IL1RAPL1: variants seen among roughly 807,000 people sequenced by gnomAD.
IL1RAPL1 encodes the protein interleukin 1 receptor accessory protein like 1, also known as interleukin-1 receptor accessory protein-like 1.
In IL1RAPL1, 3 loss-of-function variants were observed where a neutral mutation model predicts 48.4. That is an observed-to-expected ratio of 0.06 (90% CI 0.03 to 0.16). The LOEUF (loss-of-function observed/expected upper bound fraction) is 0.16, where lower values mean the gene tolerates loss of function less well. Among genes scored for constraint, IL1RAPL1 ranks in the 10% least tolerant of loss-of-function variants. IL1RAPL1 has a pLI of 1.00. For synonymous variants in IL1RAPL1, 185 were observed against 187.7 expected, an observed-to-expected ratio of 0.99 and a Z score of 0.12; for missense variants, 349 against 530.6, an observed-to-expected ratio of 0.66 and a Z score of 3.36.
At chrX:29,134,223 C>T (rs1428019626) in intron 2 of IL1RAPL1, among the ~76,000 whole-genome samples, 1 of 111,195 alleles carries the variant, frequency 9.0e-6, no homozygotes, top group African/African-American at 3.3e-5. Flanking sequence ...TGGAGTGTGA[C>T]AGCTGGATCT....
At chrX:28,895,985 C>G (rs759700438) in intron 2 of IL1RAPL1, among the ~76,000 whole-genome samples, 2 of 112,135 alleles carry the variant, frequency 1.8e-5, no homozygotes, top group Non-Finnish European at 3.8e-5. Flanking sequence ...ACAGATGGCA[C>G]GCGGCTTAGG....
intron 2 of IL1RAPL1, among the ~76,000 whole-genome samples, chrX:28,914,474 G>A (rs745513037): frequency 9.0e-6 from 1 of 111,592 alleles, no homozygotes; most frequent in Non-Finnish European, 1.9e-5. Context: ...CACCAACTCT[G>A]TATCTTATTA....
At chrX:28,616,543 C>T (rs775461972) in intron 1 of IL1RAPL1, among the ~76,000 whole-genome samples, 1 of 110,273 alleles carries the variant, frequency 9.1e-6, no homozygotes, top group African/African-American at 3.3e-5. Context: ...AAGGGAGTCT[C>T]CTGCCTCAGC....
intron 5 of IL1RAPL1, among the ~76,000 whole-genome samples, chrX:29,448,335 C>T (rs779533249): frequency 9.0e-5 from 10 of 111,534 alleles, no homozygotes; most frequent in Non-Finnish European, 1.1e-4. Context: ...TTCCCAAGTA[C>T]GAAAATGTTT....
At chrX:28,884,371 C>T (rs192253219) in intron 2 of IL1RAPL1, among the ~76,000 whole-genome samples, 10 of 111,169 alleles carry the variant, frequency 9.0e-5, no homozygotes, top group African/African-American at 3.3e-4. Flanking sequence ...TTGATGAATA[C>T]TAAGGTATAG....
intron 3 of IL1RAPL1, among the ~76,000 whole-genome samples, chrX:29,337,381 A>T (rs1012190168): frequency 7.1e-5 from 8 of 111,995 alleles, no homozygotes; most frequent in African/African-American, 2.3e-4. Flanking sequence ...GTATACATTT[A>T]CAAGATTACT....
intron 3 of IL1RAPL1, among the ~76,000 whole-genome samples, chrX:29,382,412 A>G (rs1379798181): frequency 8.9e-6 from 1 of 112,011 alleles, no homozygotes; most frequent in Non-Finnish European, 1.9e-5. Flanking sequence ...ATCTTATAGT[A>G]TTGACAGAAA....
chrX:29,650,306 C>A (rs954791065), intron 5 of IL1RAPL1, among the ~76,000 whole-genome samples: 6 of 111,663 alleles, frequency 5.4e-5, no homozygotes, highest in African/African-American at 1.9e-4. Context: ...GCAAAAGACA[C>A]AAAAGAGCCA....
In IL1RAPL1 at chrX:28,981,331, A is replaced by T. The variant is rs370512821; in HGVS notation, c.82+191906A>T. 6.4e-5 allele frequency among the ~76,000 whole-genome samples: 7 copies of T among 108,874 alleles called. No individual in the cohort carries two copies. The East Asian group carries it at 2.0e-3, about 32-fold the overall frequency. 94.5% of individuals were successfully genotyped at this position (108,874 alleles called of 115,157 possible). A position where few individuals can be genotyped will look rare whatever the true frequency, so the allele number is the denominator to read the frequency against. On this transcript the variant is annotated intron_variant, in intron 2 of 10. Transcript: ENST00000378993. The stretch of plus-strand genomic sequence containing the variant: ...CATGGAGTTTAACTTAATACACCTG[A>T]AAACGATCCTAAAATGATCTAAAAA...
chrX:29,346,971 A>G (rs1933158421), intron 3 of IL1RAPL1, among the ~76,000 whole-genome samples: 1 of 112,143 alleles, frequency 8.9e-6, no homozygotes, highest in Non-Finnish European at 1.9e-5. Context: ...ACACTGTACC[A>G]GATTTTACAG....
At chrX:29,910,767 A>G (rs1932750962) in intron 6 of IL1RAPL1, among the ~76,000 whole-genome samples, 1 of 111,332 alleles carries the variant, frequency 9.0e-6, no homozygotes, top group Non-Finnish European at 1.9e-5. Flanking sequence ...CAAAATAGCT[A>G]TATTTAATAA....
At chrX:29,434,772 A>G (rs1351195791) in intron 5 of IL1RAPL1, among the ~76,000 whole-genome samples, 3 of 110,997 alleles carry the variant, frequency 2.7e-5, no homozygotes, top group African/African-American at 9.8e-5. Context: ...TTATTGTTTT[A>G]ATTTATAGTT....
chrX:28,700,176 A>C (rs1935278840), intron 1 of IL1RAPL1, among the ~76,000 whole-genome samples: 1 of 111,399 alleles, frequency 9.0e-6, no homozygotes, highest in Non-Finnish European at 1.9e-5. Context: ...GTATGGGAGG[A>C]CTTTTTTTTG....
At chrX:29,841,317 A>G (rs1171324810) in intron 6 of IL1RAPL1, among the ~76,000 whole-genome samples, 1 of 112,299 alleles carries the variant, frequency 8.9e-6, no homozygotes, top group African/African-American at 3.2e-5. Flanking sequence ...TTCAAAATTT[A>G]AATATATTCA....
chrX:28,822,093 G>T, intron 2 of IL1RAPL1, among the ~76,000 whole-genome samples: 1 of 110,757 alleles, frequency 9.0e-6, no homozygotes. Context: ...TACACAGGAA[G>T]GGTTCCCTCA....
At chrX:29,657,234 A>C (rs185832845) in intron 5 of IL1RAPL1, among the ~76,000 whole-genome samples, 1 of 111,963 alleles carries the variant, frequency 8.9e-6, no homozygotes, top group Admixed American at 9.5e-5. Context: ...AGAATTTTTC[A>C]ACCTCGGAAT....
intron 2 of IL1RAPL1, among the ~76,000 whole-genome samples, chrX:29,193,882 G>A (rs186834645): frequency 1.8e-5 from 2 of 111,689 alleles, no homozygotes; most frequent in Admixed American, 1.9e-4. Context: ...GGAGTAAACT[G>A]GATAAAGAGG....
chrX:29,282,855 T>C (rs1485356219), intron 2 of IL1RAPL1, 83 bp from the exon 3 acceptor site: 23 of 981,963 alleles, frequency 2.3e-5, no homozygotes, highest in Non-Finnish European at 3.3e-5. Flanking sequence ...TAAATATTTG[T>C]TGGATGAATG....
chrX:29,838,823 A>G (rs1471065721), intron 6 of IL1RAPL1, among the ~76,000 whole-genome samples: 2 of 111,964 alleles, frequency 1.8e-5, no homozygotes, highest in Admixed American at 1.9e-4. Context: ...GGGCTCAGCC[A>G]GGTGGTTCTT....
Sources: allele counts gnomAD v4.1 joint callset (sites outside exome capture counted in the v4.1 genomes callset), GRCh38; gene constraint gnomAD v4.1.1; transcripts MANE v1.5; gene names NCBI Gene and HGNC (gene_info 2026-07-23, HGNC 2026-07-21).